GID4: variants seen among roughly 807,000 people sequenced by gnomAD.
GID4 encodes the protein glucose-induced degradation protein 4 homolog.
GID4 carries 7 observed loss-of-function variants against 32.4 expected under a neutral mutation model. The observed-to-expected ratio is 0.22, with a 90% CI of 0.12 to 0.41. The LOEUF (loss-of-function observed/expected upper bound fraction) is 0.41. Ranked by LOEUF, GID4 falls within the 10% of genes least tolerant of loss-of-function variation. GID4 has a pLI of 1.00. For missense variants in GID4, 309 were observed against 400.0 expected, an observed-to-expected ratio of 0.77 and a Z score of 1.94; for synonymous variants, 166 against 170.0, an observed-to-expected ratio of 0.98 and a Z score of 0.18.
intron 1 of GID4, among the ~76,000 whole-genome samples, chr17:18,041,917 G>A (rs748217536): frequency 3.9e-4 from 59 of 152,222 alleles, no homozygotes; most frequent in Non-Finnish European, 1.9e-4. Flanking sequence ...CTGGTGGATG[G>A]CTGGGAGCCA....
chr17:18,058,641 C>T (rs906743834), intron 3 of GID4, among the ~76,000 whole-genome samples: 1 of 152,190 alleles, frequency 6.6e-6, no homozygotes, highest in African/African-American at 2.4e-5. Context: ...AGGTGTAGGG[C>T]AGTGGGGCCC....
At chr17:18,045,340 A>G (rs564399814) in intron 2 of GID4, 134 bp downstream of exon 2, 16 of 570,550 alleles carry the variant, frequency 2.8e-5, no homozygotes, top group Non-Finnish European at 4.8e-5. Flanking sequence ...TTGCTACTGT[A>G]TAGGGAACAT....
In GID4 at chr17:18,066,241, A is replaced by G. The variant is rs867398662; in HGVS notation, c.*998A>G. 3.3e-5 allele frequency: 5 copies of G among 152,612 alleles called. No individual in the cohort carries two copies. Among genetic ancestry groups the G allele is most frequent in the Non-Finnish European group, 7.3e-5 (5 of 68,036 alleles). The allele number at this position is 152,612 out of a possible 1,614,324, so 9.5% of individuals were successfully genotyped here. On this transcript the variant is annotated 3_prime_UTR_variant, in exon 6 of 6. Coordinates refer to ENST00000268719, the MANE Select transcript of GID4 (RefSeq NM_024052.5). ...ACAAAAGTTTTGCAGCATTGCCTAAATTATAGTGCTCAACACAAGAACTGT... is the reference window on the plus strand; with the variant it reads ...ACAAAAGTTTTGCAGCATTGCCTAAGTTATAGTGCTCAACACAAGAACTGT...
chr17:18,065,594 G>C lies in GID4; in HGVS notation c.*351G>C. On this transcript the variant is annotated 3_prime_UTR_variant, in exon 6 of 6. Transcript: ENST00000268719. ...CAGCCGAATAGAAGGTCTGCTCCCG[G>C]ATCACCCTCAGCCTTGGTGCTCAGT... is the stretch of plus-strand genomic sequence containing the variant. 3.1e-6 allele frequency: 1 copy of C among 327,458 alleles called. No homozygotes were observed. The allele number at this position is 327,458 out of a possible 1,614,324, so 20.3% of individuals were successfully genotyped here.
In GID4 at chr17:18,061,516, A is replaced by G. The variant is rs2045017546; in HGVS notation, c.709-329A>G. Among the ~76,000 whole-genome samples, 1 of 152,192 alleles carries G rather than the reference A, an allele frequency of 6.6e-6. No individual in the cohort carries two copies. Among genetic ancestry groups the G allele is most frequent in the Non-Finnish European group, 1.5e-5 (1 of 68,032 alleles). On this transcript the variant is annotated intron_variant, in intron 4 of 5. Transcript: ENST00000268719. The surrounding 1 kb of genome is among the most constrained non-coding windows in gnomAD (Gnocchi z 4.4). ...GTTGATTGTCTGTGGTCTCTGAAAGATAGAGAGGCAGGCAGACAGGCAGGT... is the reference window on the plus strand; with the variant it reads ...GTTGATTGTCTGTGGTCTCTGAAAGGTAGAGAGGCAGGCAGACAGGCAGGT...
intron 2 of GID4, among the ~76,000 whole-genome samples, chr17:18,048,413 C>T (rs112796152): frequency 1.6e-4 from 25 of 152,180 alleles, no homozygotes; most frequent in Non-Finnish European, 2.8e-4. Flanking sequence ...AGACTGGTCT[C>T]GAACTCCTGA....
chr17:18,066,320 A>G lies in GID4; in HGVS notation c.*1077A>G, dbSNP rs775244350. On this transcript the variant is annotated 3_prime_UTR_variant, in exon 6 of 6. Transcript: ENST00000268719. ...CCTCCTTTTGCTACTCAAAACAGCAATGCTTGGCGGCAGCCTTCCATGAGG... is the reference window on the plus strand; with the variant it reads ...CCTCCTTTTGCTACTCAAAACAGCAGTGCTTGGCGGCAGCCTTCCATGAGG... The G allele has an allele frequency of 6.5e-5, 10 of 152,700 alleles. No homozygotes were observed. The highest frequency in any genetic ancestry group is 8.8e-5 in the Non-Finnish European group (6 of 68,018). 9.5% of individuals were successfully genotyped at this position (152,700 alleles called of 1,614,324 possible).
intron 2 of GID4, among the ~76,000 whole-genome samples, chr17:18,046,878 C>T (rs936910047): frequency 6.9e-6 from 1 of 144,722 alleles, no homozygotes; most frequent in Non-Finnish European, 1.5e-5. Context: ...GCCAAGATTG[C>T]ACCATTGCGC....
chr17:18,043,096 A>C (rs1400041573), intron 1 of GID4, among the ~76,000 whole-genome samples: 1 of 152,202 alleles, frequency 6.6e-6, no homozygotes, highest in African/African-American at 2.4e-5. Context: ...CTGTGAAAGG[A>C]ATATTTAAAA....
intron 3 of GID4, among the ~76,000 whole-genome samples, chr17:18,055,563 A>G (rs918284588): frequency 2.0e-5 from 3 of 152,080 alleles, no homozygotes; most frequent in African/African-American, 7.2e-5. Context: ...ATTATAGCTC[A>G]CTATAGCCTC....
rs977650586 is a variant in GID4 at position 18,043,981 on chromosome 17, C to T, written c.439-1166C>T. On this transcript the variant is annotated intron_variant, in intron 1 of 5. Transcript: ENST00000268719. Reference sequence around the variant, plus strand: ...CACATCAGGAGGATTTTTGAGGTGACGTGGCTTCAGGTTGGTTAATTCAGA... The same window carrying T: ...CACATCAGGAGGATTTTTGAGGTGATGTGGCTTCAGGTTGGTTAATTCAGA... 5.9e-5 allele frequency among the ~76,000 whole-genome samples: 9 copies of T among 152,256 alleles called. 1 individual carries two copies. Among genetic ancestry groups the T allele is most frequent in the Non-Finnish European group, 2.9e-5 (2 of 68,038 alleles).
chr17:18,049,048 G>A lies in GID4; in HGVS notation c.498+3842G>A, dbSNP rs558297390. On this transcript the variant is annotated intron_variant, in intron 2 of 5. Transcript: ENST00000268719. The stretch of plus-strand genomic sequence containing the variant: ...GTATGGAAAAGTATCTACTAAAATG[G>A]AGATAGGCCAGGCACAGTGGCTCAT... Among the ~76,000 whole-genome samples the A allele has an allele frequency of 5.3e-5, 8 of 151,948 alleles. No homozygotes were observed. The East Asian group carries it at 1.5e-3, about 29-fold the overall frequency.
Position 18,039,751 on chromosome 17 carries a change from C to T in GID4, c.287C>T (p.Ala96Val). 3 of 1,555,084 alleles carry T rather than the reference C, an allele frequency of 1.9e-6. No homozygotes were observed. Among genetic ancestry groups the T allele is most frequent in the Non-Finnish European group, 2.6e-6 (3 of 1,153,188 alleles). ...VRTECPPPAG[A>V]SAASAASLIP... ...ACCGAGTGTCCCCCGCCGGCCGGTG[C>T]CTCCGCTGCCTCCGCGGCCTCACTC... The change falls in exon 1 of 6, where the codon GCC becomes GTC. Residue 96 changes from alanine to valine, a missense_variant. Coordinates refer to ENST00000268719, the MANE Select transcript of GID4 (RefSeq NM_024052.5). This position sits in a 1 kb window ranked among gnomAD's most constrained non-coding sequence, Gnocchi z 5.3.
Position 18,058,965 on chromosome 17 carries a change from G to A in GID4, c.704G>A (p.Trp235Ter). 1 of 1,597,262 alleles carries A rather than the reference G, an allele frequency of 6.3e-7. No homozygotes were observed. The highest frequency in any genetic ancestry group is 8.6e-7 in the Non-Finnish European group (1 of 1,164,756). The change falls in exon 4 of 6, where the codon TGG becomes TAG. Residue 235 changes from tryptophan (W) to a stop codon, truncating the protein, a stop_gained. Coordinates refer to ENST00000268719, the MANE Select transcript of GID4 (RefSeq NM_024052.5). LOFTEE classifies it high-confidence loss of function. ...LKNGDYVFMR[W>*]KEQFLVPDHT... Reference sequence around the variant, plus strand: ...AATGGAGACTACGTCTTCATGAGGTGGAAGGTAAGTTCCCACCAGGTGGCC... The same window carrying A: ...AATGGAGACTACGTCTTCATGAGGTAGAAGGTAAGTTCCCACCAGGTGGCC...
At chr17:18,050,893 C>T (rs59999521) in intron 2 of GID4, among the ~76,000 whole-genome samples, 8 of 152,090 alleles carry the variant, frequency 5.3e-5, no homozygotes, top group Admixed American at 3.3e-4. Context: ...GTTTTTCGTC[C>T]GCTCTATAAA....
At chr17:18,057,256 A>AC in intron 3 of GID4, 1 of 467,680 alleles carries the variant, frequency 2.1e-6, no homozygotes. Context: ...ACATGGTGAA[A>AC]CCCCATCTCT....
intron 2 of GID4, among the ~76,000 whole-genome samples, chr17:18,050,093 GTA>G (rs1400759498): frequency 1.3e-5 from 2 of 152,216 alleles, no homozygotes; most frequent in African/African-American, 4.8e-5. Flanking sequence ...ATTCCTTGGT[GTA>G]TATATACCAC....
At chr17:18,055,256 T>C (rs2145565599) in intron 3 of GID4, among the ~76,000 whole-genome samples, 1 of 152,194 alleles carries the variant, frequency 6.6e-6, no homozygotes, top group South Asian at 2.1e-4. Flanking sequence ...TTGTTTAACA[T>C]TGAAGAAGTT....
At chr17:18,044,586 T>G (rs2044834379) in intron 1 of GID4, among the ~76,000 whole-genome samples, 1 of 152,240 alleles carries the variant, frequency 6.6e-6, no homozygotes, top group Admixed American at 6.5e-5. Flanking sequence ...AACTGAAGTT[T>G]ATACCACATA....
Sources: allele counts gnomAD v4.1 joint callset (sites outside exome capture counted in the v4.1 genomes callset), GRCh38; gene constraint gnomAD v4.1.1; non-coding constraint Gnocchi (gnomAD v3.1); transcripts MANE v1.5; gene names NCBI Gene and HGNC (gene_info 2026-07-23, HGNC 2026-07-21).